The following KRT83 variants were observed in gnomAD, a reference collection of about 807,000 sequenced individuals.
KRT83 encodes the protein keratin 83.
Under a neutral mutation model 52.9 loss-of-function variants are expected in KRT83, and 51 were observed. The ratio of observed to expected loss-of-function variants is 0.96; its 90% confidence interval spans 0.77 to 1.22. The LOEUF is 1.22. Ranked by LOEUF, KRT83 falls within the 50% of genes most tolerant of loss-of-function variation. KRT83 has a pLI of 0.00. For synonymous variants in KRT83, 278 were observed against 274.1 expected (o/e 1.01, Z -0.14); for missense variants, 654 against 666.5 (o/e 0.98, Z 0.21).
chr12:52,317,287 T>TG (rs1248222835), intron 4 of KRT83, among the ~76,000 whole-genome samples: 3 of 152,136 alleles, frequency 2.0e-5, no homozygotes, highest in Non-Finnish European at 2.9e-5. Context: ...AGACCCTGTA[T>TG]GGGGGGCCTC....
At position 52,314,514 on chromosome 12, in the gene KRT83, G is replaced by C. The variant is rs570369664; in HGVS notation, c.*117C>G. On this transcript the variant is annotated 3_prime_UTR_variant, in exon 9 of 9. Transcript: ENST00000293670. ...AGCCGCTGGTGGGAATGAGCCGATG[G>C]TGTATTCTCAGAACACAAGGGGAAA... 38 of 950,970 alleles carry C rather than the reference G, an allele frequency of 4.0e-5. 1 individual carries two copies. In the South Asian group the frequency reaches 5.0e-4, roughly 13 times the overall value. The allele number at this position is 950,970 out of a possible 1,614,324, so 58.9% of individuals were successfully genotyped here.
chr12:52,319,996 C>T (rs895534355), intron 1 of KRT83, among the ~76,000 whole-genome samples: 3 of 152,290 alleles, frequency 2.0e-5, no homozygotes, highest in East Asian at 1.9e-4. Context: ...CGATCTTCTG[C>T]GCTGCAGGGG....
Position 52,319,236 on chromosome 12 carries a change from G to A in KRT83, c.513C>T (p.Ala171=), listed in dbSNP as rs1245592846. 8.1e-6 allele frequency: 13 copies of A among 1,613,700 alleles called. No individual in the cohort carries two copies. Among genetic ancestry groups the A allele is most frequent in the South Asian group, 1.1e-5 (1 of 91,068 alleles). ...TCCCACTGTCAGCCTCCACGCACTC[G>A]GCCTCCCGCCGCAGAGTCTCGATGT... ...AGYIETLRRE[A]ECVEADSGRL... Residue 171 remains alanine (A), a synonymous_variant, in exon 2 of 9, where the codon GCC becomes GCT. Transcript: ENST00000293670.
Position 52,317,743 on chromosome 12 carries a change from G to T in KRT83, c.688C>A (p.Leu230Met). The T allele has an allele frequency of 6.2e-7, 1 of 1,613,742 alleles. No individual in the cohort carries two copies. The highest frequency in any genetic ancestry group is 8.5e-7 in the Non-Finnish European group (1 of 1,179,988). ...ATCAGGGCCTCCACGTTGGCCTCCA[G>T]GTCTGACTTGCGGAGGTAGGCGCAG... ...VDCAYLRKSD[L>M]EANVEALIQE... Residue 230 changes from leucine (L) to methionine (M), a missense_variant, in exon 4 of 9, where the codon CTG becomes ATG. Coordinates refer to ENST00000293670, the MANE Select transcript of KRT83 (RefSeq NM_002282.3).
At chr12:52,315,710 G>T (rs551528360) in intron 7 of KRT83, among the ~76,000 whole-genome samples, 183 bp downstream of exon 7, 20 of 152,306 alleles carry the variant, frequency 1.3e-4, no homozygotes, top group African/African-American at 4.3e-4. Flanking sequence ...CCTAGAATAG[G>T]TGATGTCCAA....
chr12:52,320,416 T>G (rs1041972012), intron 1 of KRT83, among the ~76,000 whole-genome samples: 5 of 152,182 alleles, frequency 3.3e-5, no homozygotes, highest in Non-Finnish European at 5.9e-5. Flanking sequence ...TGCCTCCCCA[T>G]AAAGCCTGTG....
chr12:52,317,488 C>A (rs567861032), intron 4 of KRT83, among the ~76,000 whole-genome samples, 193 bp downstream of exon 4: 5 of 152,240 alleles, frequency 3.3e-5, no homozygotes, highest in Non-Finnish European at 7.4e-5. Context: ...CTGCCCCTTA[C>A]TAAATTTGTT....
Position 52,316,548 on chromosome 12 carries a change from G to A in KRT83, c.961C>T (p.Arg321Cys), listed in dbSNP as rs200128355. The A allele has an allele frequency of 5.1e-5, 82 of 1,613,982 alleles. No individual in the cohort carries two copies. Among genetic ancestry groups the A allele is most frequent in the African/African-American group, 1.7e-4 (13 of 74,900 alleles). ...ATVIRHGETL[R>C]RTKEEINELN... is the part of the protein sequence containing the mutation. ...TCGTTGATCTCCTCCTTGGTGCGGC[G>A]CAGGGTCTCCCCGTGCCTGATCACT... The change falls in exon 6 of 9, where the codon CGC becomes TGC. Residue 321 changes from arginine to cysteine, a missense_variant. By Grantham distance (180) the Arg-to-Cys change is radical. Coordinates refer to ENST00000293670, the MANE Select transcript of KRT83 (RefSeq NM_002282.3).
At chr12:52,315,455 T>C in intron 7 of KRT83, 112 bp from the exon 8 acceptor site, 1 of 1,128,188 alleles carries the variant, frequency 8.9e-7, no homozygotes, top group Non-Finnish European at 1.3e-6. Flanking sequence ...GACCTACATT[T>C]ATTCCCTTGT....
intron 8 of KRT83, 99 bp from the exon 9 acceptor site, chr12:52,314,917 G>T: frequency 1.7e-6 from 2 of 1,197,782 alleles, no homozygotes; most frequent in South Asian, 2.6e-5. Flanking sequence ...TCCAGGGAAG[G>T]ATGCAAAGAG....
At chr12:52,320,019 C>A (rs2852467) in intron 1 of KRT83, among the ~76,000 whole-genome samples, 57,637 of 151,912 alleles carry the variant, frequency 0.38, 11,452 homozygotes, top group African/African-American at 0.48. Flanking sequence ...GTCTTCTCTC[C>A]CTTTGACAAT....
In KRT83 at chr12:52,317,664, G is replaced by A. The variant is rs770911936; in HGVS notation, c.750+17C>T. On this transcript the variant is annotated intron_variant, in intron 4 of 8. Transcript: ENST00000293670. ...CCATGGGGGGATCTGTGCCCACCAT[G>A]GTTGAGAGCCCCTCACCTCCTCGTA... 8.1e-6 allele frequency: 13 copies of A among 1,611,164 alleles called. No homozygotes were observed. Among genetic ancestry groups the A allele is most frequent in the Non-Finnish European group, 1.0e-5 (12 of 1,179,142 alleles).
Position 52,314,763 on chromosome 12 carries a change from G to A in KRT83, c.1350C>T (p.Ser450=), listed in dbSNP as rs564164020. ...VVCGDLCVSG[S]RPVTGSVCSA... ...TGCAGACGCTGCCCGTCACCGGCCG[G>A]GAGCCCGACACGCAGAGATCCCCGC... Residue 450 remains serine (S), a synonymous_variant, in exon 9 of 9, where the codon TCC becomes TCT. Coordinates refer to ENST00000293670, the MANE Select transcript of KRT83 (RefSeq NM_002282.3). The A allele has an allele frequency of 1.9e-5, 31 of 1,604,074 alleles. No individual in the cohort carries two copies. The African/African-American group carries it at 2.1e-4, about 11-fold the overall frequency.
Position 52,316,184 on chromosome 12 carries a change from T to A in KRT83, c.1042-71A>T, listed in dbSNP as rs1019490960. The A allele has an allele frequency of 3.1e-5, 49 of 1,576,444 alleles. No homozygotes were observed. In the African/African-American group the frequency reaches 6.2e-4, roughly 20 times the overall value. Reference sequence around the variant, plus strand: ...TCTTGAAATCCCAGCCAGTCTCCAATAGGATCATTCAACTTCTATCTTAAA... The same window carrying A: ...TCTTGAAATCCCAGCCAGTCTCCAAAAGGATCATTCAACTTCTATCTTAAA... On this transcript the variant is annotated intron_variant, in intron 6 of 8. Transcript: ENST00000293670.
At chr12:52,318,041 G>A in intron 2 of KRT83, 71 bp from the exon 3 acceptor site, 1 of 1,412,162 alleles carries the variant, frequency 7.1e-7, no homozygotes, top group Non-Finnish European at 1.0e-6. Context: ...TATATGCAAA[G>A]GAGTCTCTTT....
At chr12:52,317,457 G>T (rs1398985659) in intron 4 of KRT83, among the ~76,000 whole-genome samples, 1 of 152,182 alleles carries the variant, frequency 6.6e-6, no homozygotes, top group African/African-American at 2.4e-5. Flanking sequence ...CAAGGCACAG[G>T]TGTCTGGGGT....
chr12:52,317,738 C>A lies in KRT83; in HGVS notation c.693G>T (p.Glu231Asp). The A allele has an allele frequency of 1.2e-6, 2 of 1,613,696 alleles. No individual in the cohort carries two copies. The highest frequency in any genetic ancestry group is 1.7e-6 in the Non-Finnish European group (2 of 1,179,988). ...DCAYLRKSDL[E>D]ANVEALIQEI... ...CCTGGATCAGGGCCTCCACGTTGGC[C>A]TCCAGGTCTGACTTGCGGAGGTAGG... The change falls in exon 4 of 9, where the codon GAG becomes GAT. Residue 231 changes from glutamate (E) to aspartate (D), a missense_variant. Physicochemically the swap from Glu to Asp is conservative, Grantham distance 45. Coordinates refer to ENST00000293670, the MANE Select transcript of KRT83 (RefSeq NM_002282.3).
rs761917074 is a variant in KRT83, at chr12:52,316,936, C to A, written c.838G>T (p.Val280Phe). Reference sequence around the variant, plus strand: ...TCATACTGTGCCTTGATCTCGGCAACGATGCAGTCCATGTTCAGGTCCCGG... The same window carrying A: ...TCATACTGTGCCTTGATCTCGGCAAAGATGCAGTCCATGTTCAGGTCCCGG... The part of the protein sequence containing the change: ...NSRDLNMDCI[V>F]AEIKAQYDDI... The change falls in exon 5 of 9, where the codon GTT becomes TTT. Residue 280 changes from valine (V) to phenylalanine (F), a missense_variant. Val to Phe is a conservative substitution (Grantham distance 50). Transcript: ENST00000293670. 1.2e-6 allele frequency: 2 copies of A among 1,614,190 alleles called. No homozygotes were observed. The highest frequency in any genetic ancestry group is 2.2e-5 in the South Asian group (2 of 91,078).
intron 1 of KRT83, 26 bp downstream of exon 1, chr12:52,320,926 A>G (rs752308926): frequency 1.2e-5 from 20 of 1,613,676 alleles, no homozygotes; most frequent in South Asian, 9.9e-5. Context: ...GGGTTCAGGA[A>G]GGGTGTGATC....
Sources: gnomAD v4.1 joint callset for allele counts (sites outside exome capture counted in the v4.1 genomes callset) on GRCh38, gnomAD v4.1.1 for gene constraint, MANE v1.5 for transcripts, NCBI Gene and HGNC (gene_info 2026-07-23, HGNC 2026-07-21) for gene names.